Variants in MAP4K3 observed in about 807,000 individuals in gnomAD.
MAP4K3 encodes the protein MAPK/ERK kinase kinase kinase 3.
Under a neutral mutation model 143.5 loss-of-function variants are expected in MAP4K3, and 94 were observed. The observed-to-expected ratio is 0.65, with a 90% CI of 0.55 to 0.78. The LOEUF (loss-of-function observed/expected upper bound fraction) is 0.78. MAP4K3 is among the 30% of genes least tolerant of loss of function. MAP4K3 has a pLI of 0.00. For missense variants in MAP4K3, 1,077 were observed against 1,068.1 expected, an observed-to-expected ratio of 1.01 and a Z score of -0.12; for synonymous variants, 416 against 347.2, an observed-to-expected ratio of 1.20 and a Z score of -2.20.
intron 1 of MAP4K3, among the ~76,000 whole-genome samples, chr2:39,406,631 T>C (rs1287431585): frequency 6.6e-6 from 1 of 152,022 alleles, no homozygotes; most frequent in Non-Finnish European, 1.5e-5. Context: ...TCAGCAAAAA[T>C]ATCCCTCAGA....
intron 15 of MAP4K3, among the ~76,000 whole-genome samples, chr2:39,303,543 TTTTG>T (rs1344726463): frequency 6.6e-6 from 1 of 152,234 alleles, no homozygotes; most frequent in East Asian, 1.9e-4. Context: ...TTTTTTGGGT[TTTTG>T]TTTGTTTTTG....
At chr2:39,285,390 A>AC (rs1681727652) in intron 21 of MAP4K3, among the ~76,000 whole-genome samples, 1 of 152,204 alleles carries the variant, frequency 6.6e-6, no homozygotes, top group Admixed American at 6.5e-5. Context: ...GTTAAAAAAA[A>AC]AGTTTACATC....
At position 39,250,672 on chromosome 2, in the gene MAP4K3, G is replaced by T; in HGVS notation, c.2631C>A (p.Asn877Lys). Residue 877 changes from asparagine to lysine, a missense_variant, in exon 34 of 34, where the codon AAC becomes AAA. Physicochemically the swap from Asn to Lys is moderately conservative, Grantham distance 94 (BLOSUM62 0). This residue lies in a region of MAP4K3 where 864 missense variants were observed against 801.2 expected (regional missense o/e 1.08). Transcript: ENST00000263881. ...VVVLESRPTD[N>K]PTANSNLYIL... ...TGTACAAATTGCTATTTGCTGTGGG[G>T]TTATCAGTTGGCCTACTTTCCAAAA... 1.2e-6 allele frequency: 2 copies of T among 1,613,942 alleles called. No homozygotes were observed. Among genetic ancestry groups the T allele is most frequent in the Non-Finnish European group, 1.7e-6 (2 of 1,179,882 alleles).
At chr2:39,297,000 A>T (rs951476986) in intron 16 of MAP4K3, among the ~76,000 whole-genome samples, 12 of 152,194 alleles carry the variant, frequency 7.9e-5, no homozygotes, top group African/African-American at 2.9e-4. Flanking sequence ...ACTATACTCA[A>T]CTGTGCCAGG....
chr2:39,288,031 G>C, intron 20 of MAP4K3, 90 bp downstream of exon 20: 1 of 1,487,434 alleles, frequency 6.7e-7, no homozygotes, highest in East Asian at 2.3e-5. Flanking sequence ...TCCACCAAAA[G>C]AATTTCAAAT....
At chr2:39,267,931 G>A (rs1292081949) in intron 26 of MAP4K3, among the ~76,000 whole-genome samples, 1 of 152,118 alleles carries the variant, frequency 6.6e-6, no homozygotes, top group African/African-American at 2.4e-5. Flanking sequence ...TACTGAATTA[G>A]TAACTTTGGT....
intron 1 of MAP4K3, among the ~76,000 whole-genome samples, chr2:39,413,194 G>C (rs1319685328): frequency 6.6e-6 from 1 of 152,134 alleles, no homozygotes; most frequent in Non-Finnish European, 1.5e-5. Context: ...TAAATTCCTT[G>C]TATCAGAAAG....
At chr2:39,252,479 A>G (rs554915399) in intron 32 of MAP4K3, among the ~76,000 whole-genome samples, 50 of 152,388 alleles carry the variant, frequency 3.3e-4, no homozygotes, top group Non-Finnish European at 6.8e-4. Flanking sequence ...TGCTCAATAC[A>G]TAATAATTAT....
chr2:39,423,380 C>A (rs1664953325), intron 1 of MAP4K3, among the ~76,000 whole-genome samples: 1 of 152,164 alleles, frequency 6.6e-6, no homozygotes, highest in South Asian at 2.1e-4. Flanking sequence ...GAGCTAAAAG[C>A]AGTCTTACCA....
At chr2:39,411,209 C>T (rs190247630) in intron 1 of MAP4K3, among the ~76,000 whole-genome samples, 22 of 152,246 alleles carry the variant, frequency 1.4e-4, no homozygotes, top group Admixed American at 5.9e-4. Context: ...TAGTTAAAAC[C>T]GTTATTTAAA....
chr2:39,400,269 C>G (rs181476795), intron 1 of MAP4K3, among the ~76,000 whole-genome samples: 2 of 152,310 alleles, frequency 1.3e-5, no homozygotes, highest in East Asian at 1.9e-4. Flanking sequence ...CCACCATAAT[C>G]TCTTCTCTGG....
intron 2 of MAP4K3, among the ~76,000 whole-genome samples, chr2:39,361,641 A>G (rs1665773665): frequency 6.6e-6 from 1 of 151,802 alleles, no homozygotes; most frequent in South Asian, 2.1e-4. Flanking sequence ...GGCTCCATAC[A>G]AAGTTTAAAC....
chr2:39,291,174 G>A (rs542980366), intron 18 of MAP4K3, among the ~76,000 whole-genome samples: 30 of 152,102 alleles, frequency 2.0e-4, no homozygotes, highest in Non-Finnish European at 2.6e-4. Context: ...TTGAGATGAT[G>A]GATATGCTAA....
At chr2:39,378,174 G>T in intron 1 of MAP4K3, 51 bp from the exon 2 acceptor site, 1 of 1,049,010 alleles carries the variant, frequency 9.5e-7, no homozygotes, top group African/African-American at 1.7e-5. Context: ...TTCATAAAAA[G>T]TGTATAAAAT....
chr2:39,321,826 CA>C (rs1001042571), intron 12 of MAP4K3, among the ~76,000 whole-genome samples: 22 of 152,322 alleles, frequency 1.4e-4, no homozygotes, highest in African/African-American at 5.3e-4. Context: ...AAAAGCACAG[CA>C]CTTGATTCTT....
At chr2:39,412,846 A>C (rs1025863843) in intron 1 of MAP4K3, among the ~76,000 whole-genome samples, 2 of 152,208 alleles carry the variant, frequency 1.3e-5, no homozygotes, top group Non-Finnish European at 2.9e-5. Flanking sequence ...TTAAAAAAAA[A>C]ACCTTAAAAA....
intron 16 of MAP4K3, chr2:39,294,437 G>C (rs1682186964): frequency 6.6e-6 from 1 of 152,208 alleles, no homozygotes; most frequent in African/African-American, 2.4e-5. Context: ...GATACAAAAA[G>C]TGAGGTACCA....
chr2:39,399,047 A>G (rs1341020896), intron 1 of MAP4K3, among the ~76,000 whole-genome samples: 1 of 149,036 alleles, frequency 6.7e-6, no homozygotes, highest in Admixed American at 6.7e-5. Flanking sequence ...GTCTCGTTAA[A>G]AAAAAAAAAA....
chr2:39,320,948 C>T (rs994275748), intron 12 of MAP4K3, among the ~76,000 whole-genome samples: 65 of 152,108 alleles, frequency 4.3e-4, no homozygotes, highest in Non-Finnish European at 9.3e-4. Flanking sequence ...ACTAACTACT[C>T]ACAGTGTAGG....
Sources: gnomAD v4.1 joint callset for allele counts (sites outside exome capture counted in the v4.1 genomes callset) on GRCh38, gnomAD v4.1.1 for gene constraint, gnomAD v4.1.1 regional missense constraint, MANE v1.5 for transcripts, NCBI Gene and HGNC (gene_info 2026-07-23, HGNC 2026-07-21) for gene names.